Variants in MIPOL1 observed in about 807,000 individuals in gnomAD.
The protein encoded by MIPOL1 is mirror-image polydactyly 1, also known as mirror-image polydactyly gene 1 protein.
In MIPOL1, 57 loss-of-function variants were observed where a neutral mutation model predicts 60.9. That is an observed-to-expected ratio of 0.94 (90% CI 0.76 to 1.17). The LOEUF (loss-of-function observed/expected upper bound fraction) is 1.17. Among genes scored for constraint, MIPOL1 ranks in the 50% most tolerant of loss-of-function variants. MIPOL1 has a pLI of 0.00. For missense variants in MIPOL1, 551 were observed against 511.6 expected (o/e 1.08, Z -0.74); for synonymous variants, 179 against 168.8 (o/e 1.06, Z -0.47).
At position 37,471,008 on chromosome 14, in the gene MIPOL1, G is replaced by A. The variant is rs375652255; in HGVS notation, c.1032-28900G>A. On this transcript the variant is annotated intron_variant, in intron 11 of 12. Coordinates refer to ENST00000684589, the MANE Select transcript of MIPOL1 (RefSeq NM_001388067.1). Reference sequence around the variant, plus strand: ...TATTGGTTATAGTGTTCACTGTTTCGGTAATGGGTATACTAAAAGCCCAGA... The same window carrying A: ...TATTGGTTATAGTGTTCACTGTTTCAGTAATGGGTATACTAAAAGCCCAGA... Among the ~76,000 whole-genome samples, 7 of 152,166 alleles carry A rather than the reference G, an allele frequency of 4.6e-5. No individual in the cohort carries two copies. The South Asian group carries it at 1.0e-3, about 23-fold the overall frequency.
intron 10 of MIPOL1, among the ~76,000 whole-genome samples, chr14:37,412,006 T>A (rs963511973): frequency 2.6e-5 from 4 of 152,250 alleles, no homozygotes; most frequent in African/African-American, 9.6e-5. Flanking sequence ...ATGGATATTA[T>A]CACTTTCATG....
At chr14:37,434,179 T>A (rs981437461) in intron 11 of MIPOL1, among the ~76,000 whole-genome samples, 6 of 152,140 alleles carry the variant, frequency 3.9e-5, no homozygotes, top group African/African-American at 1.4e-4. Context: ...TGTCTCCACA[T>A]CCTCTCCAGC....
chr14:37,311,814 ACT>A lies in MIPOL1; in HGVS notation c.828+3298_828+3299del, dbSNP rs578024866. On this transcript the variant is annotated intron_variant, in intron 9 of 12. Transcript: ENST00000684589. ...ACATTGGTACATTAGTATCAATTCA[ACT>A]CTAGATGTTATTCAGAATTCACCAG... 2.6e-5 allele frequency among the ~76,000 whole-genome samples: 4 copies of A among 152,108 alleles called. No homozygotes were observed. The South Asian group carries it at 8.3e-4, about 32-fold the overall frequency.
intron 9 of MIPOL1, among the ~76,000 whole-genome samples, chr14:37,314,910 T>C (rs2087712275): frequency 6.6e-6 from 1 of 152,200 alleles, no homozygotes; most frequent in African/African-American, 2.4e-5. Flanking sequence ...CCACATTTTA[T>C]TGAGTACCTG....
rs767398779 is a variant in MIPOL1 at position 37,267,179 on chromosome 14, C to A, written c.251+10C>A. ...CTACTGAAAAATACAAGTAAGTGCTCACAGCCTTAGATTTAGAAGGAATTG... is the reference window on the plus strand; with the variant it reads ...CTACTGAAAAATACAAGTAAGTGCTAACAGCCTTAGATTTAGAAGGAATTG... On this transcript the variant is annotated intron_variant, in intron 4 of 12. Transcript: ENST00000684589. 1.3e-6 allele frequency: 2 copies of A among 1,592,108 alleles called. No individual in the cohort carries two copies. Among genetic ancestry groups the A allele is most frequent in the Admixed American group, 1.7e-5 (1 of 59,910 alleles).
chr14:37,507,181 G>A (rs551350721), intron 12 of MIPOL1: 1 of 152,268 alleles, frequency 6.6e-6, no homozygotes, highest in East Asian at 1.9e-4. Flanking sequence ...TTCAATCATG[G>A]TGGAAGACAG....
At chr14:37,253,617 A>G (rs1388338167) in intron 3 of MIPOL1, among the ~76,000 whole-genome samples, 2 of 151,766 alleles carry the variant, frequency 1.3e-5, no homozygotes, top group African/African-American at 2.4e-5. Flanking sequence ...CCTTCTAGCT[A>G]TGGAAGGTAC....
intron 11 of MIPOL1, among the ~76,000 whole-genome samples, chr14:37,447,260 TC>T (rs1339438163): frequency 7.9e-5 from 12 of 152,184 alleles, no homozygotes; most frequent in African/African-American, 2.9e-4. Context: ...CTCACATCCT[TC>T]ACAAAAATTA....
At chr14:37,241,152 G>A (rs1293916004) in intron 1 of MIPOL1, among the ~76,000 whole-genome samples, 1 of 152,124 alleles carries the variant, frequency 6.6e-6, no homozygotes, top group Non-Finnish European at 1.5e-5. Flanking sequence ...AGCCCCAAAA[G>A]AGTGAATATT....
chr14:37,297,793 A>G (rs1239522664), intron 7 of MIPOL1, among the ~76,000 whole-genome samples: 5 of 151,794 alleles, frequency 3.3e-5, no homozygotes, highest in Admixed American at 1.3e-4. Flanking sequence ...CCACTGCTCA[A>G]GGAAATAAAA....
intron 3 of MIPOL1, among the ~76,000 whole-genome samples, chr14:37,251,347 C>T (rs1052874824): frequency 6.6e-6 from 1 of 151,644 alleles, no homozygotes; most frequent in Admixed American, 6.6e-5. Context: ...GGATGACAGG[C>T]GAAAACAACT....
chr14:37,308,275 TATTA>T lies in MIPOL1; in HGVS notation c.658-68_658-65del, dbSNP rs1241216772. On this transcript the variant is annotated intron_variant, in intron 8 of 12. Transcript: ENST00000684589. ...AGTCAATTTACAATTCACATGTGCC[TATTA>T]ATTAAAACCCTATATTAAATAAAAT... 1.2e-5 allele frequency: 15 copies of T among 1,294,362 alleles called. 1 individual carries two copies. In the South Asian group the frequency reaches 1.8e-4, roughly 16 times the overall value. The allele number at this position is 1,294,362 out of a possible 1,614,324, so 80.2% of individuals were successfully genotyped here.
At chr14:37,423,390 G>T (rs2093909463) in intron 11 of MIPOL1, 1 of 151,078 alleles carries the variant, frequency 6.6e-6, no homozygotes, top group Admixed American at 6.6e-5. Context: ...TAATATGACA[G>T]ACTTATTAAT....
At chr14:37,447,157 A>C (rs1481912283) in intron 11 of MIPOL1, among the ~76,000 whole-genome samples, 6 of 152,056 alleles carry the variant, frequency 3.9e-5, no homozygotes, top group Non-Finnish European at 7.4e-5. Context: ...AAGACATGGC[A>C]ATTCATAGGG....
At chr14:37,225,976 T>C (rs1363830675) in intron 1 of MIPOL1, among the ~76,000 whole-genome samples, 2 of 152,154 alleles carry the variant, frequency 1.3e-5, no homozygotes, top group Admixed American at 6.6e-5. Context: ...AGTGGCAAAA[T>C]GCCTCTAGCC....
intron 12 of MIPOL1, among the ~76,000 whole-genome samples, chr14:37,528,502 T>G (rs887592768): frequency 6.6e-6 from 1 of 152,098 alleles, no homozygotes; most frequent in African/African-American, 2.4e-5. Flanking sequence ...TATAGAGATA[T>G]CCTTGAGGAA....
At chr14:37,503,343 A>T (rs74804838) in intron 12 of MIPOL1, 2 of 152,190 alleles carry the variant, frequency 1.3e-5, no homozygotes, top group Non-Finnish European at 2.9e-5. Flanking sequence ...TGAAGGAAAA[A>T]ATGTTAAGGG....
At chr14:37,200,732 T>C (rs1341976550) in intron 1 of MIPOL1, among the ~76,000 whole-genome samples, 2 of 147,516 alleles carry the variant, frequency 1.4e-5, no homozygotes, top group Non-Finnish European at 3.0e-5. Flanking sequence ...CATAGCGTAC[T>C]AACCCCTGCT....
chr14:37,348,928 A>C (rs1431331718), intron 9 of MIPOL1, among the ~76,000 whole-genome samples: 1 of 148,090 alleles, frequency 6.8e-6, no homozygotes, highest in Non-Finnish European at 1.5e-5. Flanking sequence ...TCCTGTGTTC[A>C]AGGGATTCTC....
Sources: allele counts gnomAD v4.1 joint callset (sites outside exome capture counted in the v4.1 genomes callset), GRCh38; gene constraint gnomAD v4.1.1; transcripts MANE v1.5; gene names NCBI Gene and HGNC (gene_info 2026-07-23, HGNC 2026-07-21).